CNTNAP3: variants seen among roughly 807,000 people sequenced by gnomAD.
The protein encoded by CNTNAP3 is contactin-associated protein-like 3.
Under a neutral mutation model 92.1 loss-of-function variants are expected in CNTNAP3, and 36 were observed. The ratio of observed to expected loss-of-function variants is 0.39; its 90% CI spans 0.30 to 0.52. The LOEUF is 0.52. Ranked by LOEUF, CNTNAP3 falls within the 20% of genes least tolerant of loss-of-function variation. The pLI is 0.76. For synonymous variants in CNTNAP3, 232 were observed against 422.3 expected, an observed-to-expected ratio of 0.55 and a Z score of 5.53; for missense variants, 534 against 1,069.6, an observed-to-expected ratio of 0.50 and a Z score of 6.98.
Position 39,133,142 on chromosome 9 carries a change from A to G in CNTNAP3, c.1877-7T>C. On this transcript the variant is annotated splice_polypyrimidine_tract_variant and splice_region_variant and intron_variant, in intron 12 of 23. Transcript: ENST00000297668. ...ACCGTCCACGCGGCGTCTGCTGAGC[A>G]GAAACGGGCAAAGGAGAGGCATCAC... The G allele has an allele frequency of 6.4e-7, 1 of 1,570,702 alleles. No homozygotes were observed. The highest frequency in any genetic ancestry group is 8.6e-7 in the Non-Finnish European group (1 of 1,163,512).
Position 39,128,912 on chromosome 9 carries a change from AAACT to A in CNTNAP3, c.2080+4016_2080+4019del, listed in dbSNP as rs542879946. 2.2e-3 allele frequency among the ~76,000 whole-genome samples: 327 copies of A among 151,552 alleles called. 2 individuals are homozygous for A. Among genetic ancestry groups the A allele is most frequent in the Non-Finnish European group, 3.7e-3 (252 of 67,888 alleles). The stretch of plus-strand genomic sequence containing the variant: ...ACAACAGCACTTATAATCAATCAAG[AAACT>A]AACTAAATGCCTAAGCATACTTATA... On this transcript the variant is annotated intron_variant, in intron 13 of 23. Coordinates refer to ENST00000297668, the MANE Select transcript of CNTNAP3 (RefSeq NM_033655.5).
At chr9:39,146,079 G>C (rs1821691080) in intron 10 of CNTNAP3, among the ~76,000 whole-genome samples, 1 of 152,110 alleles carries the variant, frequency 6.6e-6, no homozygotes, top group African/African-American at 2.4e-5. Flanking sequence ...AAGTGATCTA[G>C]AGACTACCAA....
At chr9:39,084,479 C>T (rs890032508) in intron 21 of CNTNAP3, among the ~76,000 whole-genome samples, 3 of 152,114 alleles carry the variant, frequency 2.0e-5, no homozygotes, top group Non-Finnish European at 4.4e-5. Context: ...CAGGCGTAAG[C>T]CACCACACCC....
At chr9:39,120,513 T>C (rs1474245713) in intron 13 of CNTNAP3, among the ~76,000 whole-genome samples, 10 of 151,964 alleles carry the variant, frequency 6.6e-5, no homozygotes, top group South Asian at 2.1e-4. Context: ...CTACTAAAAA[T>C]ACAAAAAATA....
At chr9:39,089,023 T>G (rs1302860770) in intron 18 of CNTNAP3, among the ~76,000 whole-genome samples, 2 of 152,256 alleles carry the variant, frequency 1.3e-5, no homozygotes, top group African/African-American at 4.8e-5. Context: ...ACATCTTTAT[T>G]CAGATATAAT....
In CNTNAP3 at chr9:39,149,916, G is replaced by T. The variant is rs774489340; in HGVS notation, c.1539C>A (p.Cys513Ter). The change falls in exon 10 of 24, where the codon TGC becomes TGA. Residue 513 changes from cysteine (C) to a stop codon, truncating the protein, a stop_gained. Coordinates refer to ENST00000297668, the MANE Select transcript of CNTNAP3 (RefSeq NM_033655.5). LOFTEE classifies it high-confidence loss of function. ...TGTCACCAATGGTGATGAGCCTTAGGCAGCCCTGAAACCCTCCCAGGGGGC... is the reference window on the plus strand; with the variant it reads ...TGTCACCAATGGTGATGAGCCTTAGTCAGCCCTGAAACCCTCCCAGGGGGC... ...CKSPLGGFQG[C>*]LRLITIGDKA... 11 of 1,611,256 alleles carry T rather than the reference G, an allele frequency of 6.8e-6. No individual in the cohort carries two copies.
intron 12 of CNTNAP3, among the ~76,000 whole-genome samples, chr9:39,138,482 A>T (rs1447317852): frequency 6.6e-6 from 1 of 152,228 alleles, no homozygotes. Context: ...CAAAACAAGA[A>T]AACAAAACAC....
chr9:39,108,309 T>C (rs1826656811), intron 15 of CNTNAP3, among the ~76,000 whole-genome samples: 3 of 151,234 alleles, frequency 2.0e-5, no homozygotes, highest in Admixed American at 1.3e-4. Flanking sequence ...GCATCGATAG[T>C]GATGTTGTGT....
intron 15 of CNTNAP3, 101 bp downstream of exon 15, chr9:39,109,059 T>C: frequency 6.8e-7 from 1 of 1,481,406 alleles, no homozygotes; most frequent in Non-Finnish European, 9.0e-7. Context: ...GTCCTAGTAC[T>C]GCCACTATTC....
chr9:39,130,605 C>T (rs192922266), intron 13 of CNTNAP3, among the ~76,000 whole-genome samples: 4,739 of 150,886 alleles, frequency 0.031, 125 homozygotes, highest in East Asian at 0.11. Flanking sequence ...CCTGGGTTCA[C>T]GCCATTCTCC....
intron 3 of CNTNAP3, among the ~76,000 whole-genome samples, chr9:39,217,398 A>T: frequency 4.6e-5 from 1 of 21,608 alleles, no homozygotes; most frequent in African/African-American, 7.4e-5. Flanking sequence ...ATATATATAT[A>T]TATTCATTGT....
chr9:39,093,997 A>G (rs978723240), intron 18 of CNTNAP3, among the ~76,000 whole-genome samples: 2 of 150,966 alleles, frequency 1.3e-5, no homozygotes, highest in Non-Finnish European at 3.0e-5. Flanking sequence ...GAGAGTTCCA[A>G]TTTCTCTAGG....
At chr9:39,141,294 TA>T (rs1180872597) in intron 11 of CNTNAP3, among the ~76,000 whole-genome samples, 1 of 152,192 alleles carries the variant, frequency 6.6e-6, no homozygotes, top group African/African-American at 2.4e-5. Context: ...TATTTTCCCA[TA>T]AGCATTCTGT....
intron 12 of CNTNAP3, among the ~76,000 whole-genome samples, chr9:39,136,305 C>G (rs1308928713): frequency 2.0e-5 from 3 of 152,132 alleles, no homozygotes; most frequent in Admixed American, 6.5e-5. Flanking sequence ...AAATCCCCAG[C>G]ATCTGGTATA....
chr9:39,130,443 C>T (rs920311683), intron 13 of CNTNAP3, among the ~76,000 whole-genome samples: 3 of 151,440 alleles, frequency 2.0e-5, no homozygotes, highest in African/African-American at 7.3e-5. Context: ...TTAAAAAAAC[C>T]CATAGAAATG....
At chr9:39,086,046 C>G (rs889031229) in intron 20 of CNTNAP3, 1 of 590,632 alleles carries the variant, frequency 1.7e-6, no homozygotes, top group Non-Finnish European at 3.1e-6. Context: ...ACGATGTACC[C>G]ACTTGCTGGC....
Position 39,137,899 on chromosome 9 carries a change from G to A in CNTNAP3, c.1876+2620C>T, listed in dbSNP as rs1428899548. 3.3e-5 allele frequency among the ~76,000 whole-genome samples: 5 copies of A among 151,610 alleles called. 1 individual carries two copies. The highest frequency in any genetic ancestry group is 9.7e-5 in the African/African-American group (4 of 41,304). On this transcript the variant is annotated intron_variant, in intron 12 of 23. Coordinates refer to ENST00000297668, the MANE Select transcript of CNTNAP3 (RefSeq NM_033655.5). ...TTTGGAGACAAGGTCTTTCTCTGTT[G>A]CCCAGGCTAGAGTGCAGTGGTGTGA...
In CNTNAP3 at chr9:39,102,674, G is replaced by A; in HGVS notation, c.2578C>T (p.Pro860Ser). Residue 860 changes from proline (P) to serine (S), a missense_variant, in exon 17 of 24, where the codon CCT becomes TCT. Coordinates refer to ENST00000297668, the MANE Select transcript of CNTNAP3 (RefSeq NM_033655.5). ...VTFSFDVGNG[P>S]CEVTVQSPTP... ...GGTGACTGCACCGTGACCTCACAAG[G>A]TCCATTCCCCACATCGAAGGAAAAG... 7.1e-7 allele frequency: 1 copy of A among 1,412,614 alleles called. No homozygotes were observed. Among genetic ancestry groups the A allele is most frequent in the Non-Finnish European group, 9.7e-7 (1 of 1,026,284 alleles). The allele number at this position is 1,412,614 out of a possible 1,614,324, so 87.5% of individuals were successfully genotyped here.
At chr9:39,076,889 G>A (rs865919430) in intron 23 of CNTNAP3, among the ~76,000 whole-genome samples, 245 of 152,378 alleles carry the variant, frequency 1.6e-3, no homozygotes, top group East Asian at 7.7e-3. Flanking sequence ...AATGGGAGGC[G>A]GAGCTTGCAG....
Sources: allele counts gnomAD v4.1 joint callset (sites outside exome capture counted in the v4.1 genomes callset), GRCh38; gene constraint gnomAD v4.1.1; transcripts MANE v1.5; gene names NCBI Gene and HGNC (gene_info 2026-07-23, HGNC 2026-07-21).